Variants in CDCA7L observed in about 807,000 individuals in gnomAD.
The protein encoded by CDCA7L is cell division cycle-associated 7-like protein.
In CDCA7L, 44 loss-of-function variants were observed where a neutral mutation model predicts 57.4. The observed-to-expected ratio is 0.77, with a 90% confidence interval of 0.60 to 0.98. The LOEUF (loss-of-function observed/expected upper bound fraction) is 0.98. CDCA7L is among the 50% of genes least tolerant of loss of function. The pLI is 0.00. For synonymous variants in CDCA7L, 236 were observed against 202.8 expected (o/e 1.16, Z -1.39); for missense variants, 644 against 580.6 (o/e 1.11, Z -1.12).
intron 1 of CDCA7L, among the ~76,000 whole-genome samples, chr7:21,928,604 C>T (rs768967724): frequency 6.6e-6 from 1 of 151,840 alleles, no homozygotes; most frequent in Admixed American, 6.6e-5. Context: ...TAGAAAAGAA[C>T]ATAAATGACC....
At chr7:21,902,897 A>AACAACTAC in intron 9 of CDCA7L, 81 bp downstream of exon 9, 1 of 1,383,558 alleles carries the variant, frequency 7.2e-7, no homozygotes. Context: ...ACGGGAAGGC[A>AACAACTAC]ACAACTACTT....
chr7:21,938,125 T>C (rs1786228925), intron 1 of CDCA7L, among the ~76,000 whole-genome samples: 1 of 152,132 alleles, frequency 6.6e-6, no homozygotes, highest in Non-Finnish European at 1.5e-5. Context: ...AGGCAACCTA[T>C]ATAGAATGAG....
chr7:21,922,259 T>TG (rs1785674916), intron 1 of CDCA7L, among the ~76,000 whole-genome samples: 1 of 152,168 alleles, frequency 6.6e-6, no homozygotes, highest in African/African-American at 2.4e-5. Context: ...GCCATACAGA[T>TG]TACCTGAGAG....
intron 1 of CDCA7L, among the ~76,000 whole-genome samples, chr7:21,945,293 G>T (rs939507102): frequency 6.6e-6 from 1 of 151,900 alleles, no homozygotes; most frequent in Non-Finnish European, 1.5e-5. Flanking sequence ...AAAAGTTCTA[G>T]AATAAACACT....
At chr7:21,911,837 G>A (rs934484880) in intron 2 of CDCA7L, 83 bp from the exon 3 acceptor site, 4 of 1,332,904 alleles carry the variant, frequency 3.0e-6, no homozygotes, top group South Asian at 1.4e-5. Flanking sequence ...GCTACTGAAC[G>A]GGTACAGAGC....
At chr7:21,937,670 T>TA (rs1445170909) in intron 1 of CDCA7L, among the ~76,000 whole-genome samples, 2 of 150,722 alleles carry the variant, frequency 1.3e-5, no homozygotes, top group African/African-American at 4.9e-5. Context: ...AGAACAGTGT[T>TA]AGAGGACTCA....
At chr7:21,943,099 T>C (rs1051291131) in intron 1 of CDCA7L, among the ~76,000 whole-genome samples, 1 of 152,200 alleles carries the variant, frequency 6.6e-6, no homozygotes, top group East Asian at 1.9e-4. Flanking sequence ...GGAGCTCCCA[T>C]GAGCTGCACT....
At position 21,945,897 on chromosome 7, in the gene CDCA7L, A is replaced by C. The variant is rs911778132; in HGVS notation, c.-93T>G. ...GCGCACCAAGAACGCCCCGCGCCCG[A>C]GCAGCTAGCGCGCTCCGCCCGGAGC... On this transcript the variant is annotated 5_prime_UTR_variant, in exon 1 of 10. Transcript: ENST00000406877. 1 of 1,394,854 alleles carries C rather than the reference A, an allele frequency of 7.2e-7. No homozygotes were observed. The highest frequency in any genetic ancestry group is 9.6e-7 in the Non-Finnish European group (1 of 1,038,900). 86.4% of individuals were successfully genotyped at this position (1,394,854 alleles called of 1,614,324 possible). A position where few individuals can be genotyped will look rare whatever the true frequency, so the allele number is the denominator to read the frequency against.
intron 1 of CDCA7L, among the ~76,000 whole-genome samples, chr7:21,921,342 C>CACAAA (rs71557530): frequency 8.2e-6 from 1 of 121,954 alleles, no homozygotes; most frequent in Non-Finnish European, 1.6e-5. Context: ...CAAGATTTGC[C>CACAAA]AAAAAAAAAA....
In CDCA7L at chr7:21,901,585, A is replaced by C; in HGVS notation, c.*737T>G. On this transcript the variant is annotated 3_prime_UTR_variant, in exon 10 of 10. Coordinates refer to ENST00000406877, the MANE Select transcript of CDCA7L (RefSeq NM_018719.5). ...CTCCATCTCAAAAAAAAAAAAGTAC[A>C]TCATAAAAGTACATCATATGTGAAC... 5.6e-6 allele frequency: 1 copy of C among 179,910 alleles called. No homozygotes were observed. 11.1% of individuals were successfully genotyped at this position (179,910 alleles called of 1,614,324 possible).
At chr7:21,940,963 T>G (rs1354171472) in intron 1 of CDCA7L, among the ~76,000 whole-genome samples, 1 of 152,228 alleles carries the variant, frequency 6.6e-6, no homozygotes, top group Admixed American at 6.5e-5. Flanking sequence ...ATTCTTTCAG[T>G]CCAGTTATCA....
intron 9 of CDCA7L, 49 bp downstream of exon 9, chr7:21,902,929 C>G: frequency 6.3e-7 from 1 of 1,588,454 alleles, no homozygotes; most frequent in East Asian, 2.2e-5. Context: ...CTCCTGTGCT[C>G]AGCCTCAAGA....
chr7:21,901,975 TAGATC>T lies in CDCA7L; in HGVS notation c.*342_*346del, dbSNP rs916856598. Reference sequence around the variant, plus strand: ...TACTGTTTGGGAAGCCAAAGATAGATAGATCAAGTGCAGGAGCTGATCATACAATG... The same window carrying T: ...TACTGTTTGGGAAGCCAAAGATAGATAAGTGCAGGAGCTGATCATACAATG... On this transcript the variant is annotated 3_prime_UTR_variant, in exon 10 of 10. Transcript: ENST00000406877. 1 of 289,200 alleles carries T rather than the reference TAGATC, an allele frequency of 3.5e-6. No homozygotes were observed. The highest frequency in any genetic ancestry group is 6.6e-6 in the Non-Finnish European group (1 of 150,872). 17.9% of individuals were successfully genotyped at this position (289,200 alleles called of 1,614,324 possible). A position where few individuals can be genotyped will look rare whatever the true frequency, so the allele number is the denominator to read the frequency against.
At position 21,901,201 on chromosome 7, in the gene CDCA7L, G is replaced by A. The variant is rs1583830675; in HGVS notation, c.*1121C>T. ...CTGGACCTTCAGGCTGAAGAGCGAAGAGAAGACTGCAAAATGGGTTCTGGC... is the reference window on the plus strand; with the variant it reads ...CTGGACCTTCAGGCTGAAGAGCGAAAAGAAGACTGCAAAATGGGTTCTGGC... On this transcript the variant is annotated 3_prime_UTR_variant, in exon 10 of 10. Coordinates refer to ENST00000406877, the MANE Select transcript of CDCA7L (RefSeq NM_018719.5). 1.2e-6 allele frequency: 2 copies of A among 1,613,918 alleles called. No individual in the cohort carries two copies. The highest frequency in any genetic ancestry group is 8.5e-7 in the Non-Finnish European group (1 of 1,179,832).
Position 21,945,881 on chromosome 7 carries a change from G to C in CDCA7L, c.-77C>G, listed in dbSNP as rs923560613. 37 of 1,490,204 alleles carry C rather than the reference G, an allele frequency of 2.5e-5. No homozygotes were observed. In the African/African-American group the frequency reaches 4.5e-4, roughly 18 times the overall value. The allele number at this position is 1,490,204 out of a possible 1,614,324, so 92.3% of individuals were successfully genotyped here. Reference sequence around the variant, plus strand: ...GACTCACCACGGCCCGGCGCACCAAGAACGCCCCGCGCCCGAGCAGCTAGC... The same window carrying C: ...GACTCACCACGGCCCGGCGCACCAACAACGCCCCGCGCCCGAGCAGCTAGC... On this transcript the variant is annotated 5_prime_UTR_variant, in exon 1 of 10. Transcript: ENST00000406877.
At chr7:21,914,542 A>G (rs1053138944) in intron 2 of CDCA7L, among the ~76,000 whole-genome samples, 9 of 152,196 alleles carry the variant, frequency 5.9e-5, no homozygotes, top group African/African-American at 9.7e-5. Flanking sequence ...GAGAGCACAG[A>G]TAGGCAGGAA....
intron 1 of CDCA7L, among the ~76,000 whole-genome samples, chr7:21,934,271 A>G (rs1004869374): frequency 6.6e-6 from 1 of 152,190 alleles, no homozygotes; most frequent in East Asian, 1.9e-4. Context: ...CCTGATCTCA[A>G]TTACATAAAA....
chr7:21,941,464 T>G (rs560346660), intron 1 of CDCA7L, among the ~76,000 whole-genome samples: 1 of 152,244 alleles, frequency 6.6e-6, no homozygotes, highest in Non-Finnish European at 1.5e-5. Context: ...AGTGGTTCAG[T>G]GCAGCTTACG....
intron 1 of CDCA7L, among the ~76,000 whole-genome samples, chr7:21,921,457 A>G (rs1393836662): frequency 2.0e-5 from 3 of 152,144 alleles, no homozygotes; most frequent in Admixed American, 6.5e-5. Context: ...GATAGAAAGG[A>G]TACACAGGGA....
Sources: allele counts gnomAD v4.1 joint callset (sites outside exome capture counted in the v4.1 genomes callset), GRCh38; gene constraint gnomAD v4.1.1; transcripts MANE v1.5; gene names NCBI Gene and HGNC (gene_info 2026-07-23, HGNC 2026-07-21).